The following FBN1 variants were observed in gnomAD, a reference collection of about 807,000 sequenced individuals.
FBN1 encodes the protein fibrillin-1.
FBN1 carries 29 observed loss-of-function variants against 365.1 expected under a neutral mutation model. The observed-to-expected ratio is 0.08, with a 90% CI of 0.06 to 0.11. The LOEUF (loss-of-function observed/expected upper bound fraction) is 0.11. Among genes scored for constraint, FBN1 ranks in the 10% least tolerant of loss-of-function variants. The pLI is 1.00. For missense variants in FBN1, 2,476 were observed against 3,703.2 expected, an observed-to-expected ratio of 0.67 and a Z score of 8.60; for synonymous variants, 1,210 against 1,270.5, an observed-to-expected ratio of 0.95 and a Z score of 1.01.
intron 9 of FBN1, among the ~76,000 whole-genome samples, chr15:48,522,356 G>A (rs545993476): frequency 5.8e-4 from 88 of 151,958 alleles, no homozygotes; most frequent in African/African-American, 1.8e-3. Context: ...ACTTTATTGT[G>A]TATAATAAAG....
chr15:48,542,717 G>A (rs1191089489), intron 6 of FBN1, among the ~76,000 whole-genome samples: 3 of 151,540 alleles, frequency 2.0e-5, no homozygotes, highest in Non-Finnish European at 2.9e-5. Context: ...ATGTGGCATG[G>A]GGCCCAGGCA....
chr15:48,578,965 C>A (rs78557196), intron 6 of FBN1, among the ~76,000 whole-genome samples: 2 of 146,426 alleles, frequency 1.4e-5, no homozygotes, highest in African/African-American at 5.1e-5. Context: ...ATGTAACTAA[C>A]CTGCACAATG....
intron 6 of FBN1, among the ~76,000 whole-genome samples, chr15:48,588,998 C>T (rs780976485): frequency 6.6e-6 from 1 of 152,202 alleles, no homozygotes; most frequent in Non-Finnish European, 1.5e-5. Context: ...CAATAGTTTG[C>T]ACTCCAGCAA....
intron 6 of FBN1, among the ~76,000 whole-genome samples, chr15:48,547,964 G>A (rs961245052): frequency 2.0e-5 from 3 of 152,152 alleles, no homozygotes; most frequent in Non-Finnish European, 4.4e-5. Flanking sequence ...TGAGTGAACC[G>A]TGCAAAAGAC....
chr15:48,408,547 C>T lies in FBN1; in HGVS notation c.*2443G>A, dbSNP rs886051223. The T allele has an allele frequency of 6.6e-6, 1 of 152,542 alleles. No homozygotes were observed. Among genetic ancestry groups the T allele is most frequent in the South Asian group, 2.1e-4 (1 of 4,826 alleles). 9.4% of individuals were successfully genotyped at this position (152,542 alleles called of 1,614,324 possible). ...ATGAAATGGGCTGAGGGGGTAGAGA[C>T]AAGATATTTTCAAGCTTCTGAGAGA... On this transcript the variant is annotated 3_prime_UTR_variant, in exon 66 of 66. Coordinates refer to ENST00000316623, the MANE Select transcript of FBN1 (RefSeq NM_000138.5).
rs746303949 is a variant in FBN1 at position 48,489,842 on chromosome 15, A to G, written c.3082+9T>C. ...GAGGCAATTGGCCATGGAAAACGTA[A>G]CATTGTACCTTTGAAGAAAGGCTTT... On this transcript the variant is annotated intron_variant, in intron 25 of 65. Transcript: ENST00000316623. 3.3e-5 allele frequency: 53 copies of G among 1,611,904 alleles called. No individual in the cohort carries two copies. The highest frequency in any genetic ancestry group is 4.4e-5 in the Non-Finnish European group (52 of 1,178,124).
chr15:48,504,002 C>T, intron 16 of FBN1, 63 bp from the exon 17 acceptor site: 1 of 1,599,450 alleles, frequency 6.3e-7, no homozygotes, highest in Non-Finnish European at 8.5e-7. Context: ...CCCCCCAAGT[C>T]AAAGTTGAAG....
chr15:48,630,380 C>T (rs1000992599), intron 2 of FBN1, among the ~76,000 whole-genome samples: 2 of 152,054 alleles, frequency 1.3e-5, no homozygotes, highest in African/African-American at 4.8e-5. Context: ...GTCTTCTGAC[C>T]TTTCAATGTG....
chr15:48,565,633 A>G (rs542894319), intron 6 of FBN1, among the ~76,000 whole-genome samples: 1 of 152,058 alleles, frequency 6.6e-6, no homozygotes, highest in East Asian at 1.9e-4. Flanking sequence ...GATAAAAAAA[A>G]AAAAAGAAAA....
chr15:48,551,095 G>A (rs2044138198), intron 6 of FBN1, among the ~76,000 whole-genome samples: 1 of 152,130 alleles, frequency 6.6e-6, no homozygotes, highest in Admixed American at 6.6e-5. Flanking sequence ...ATAATTCCGT[G>A]AATCTATCAT....
chr15:48,478,138 G>A (rs972679531), intron 32 of FBN1, among the ~76,000 whole-genome samples: 12 of 152,196 alleles, frequency 7.9e-5, no homozygotes, highest in African/African-American at 2.9e-4. Flanking sequence ...CATTGAGGAA[G>A]AGGGCGTTAC....
chr15:48,615,281 TA>T (rs1205783265), intron 2 of FBN1, among the ~76,000 whole-genome samples: 2 of 152,028 alleles, frequency 1.3e-5, no homozygotes, highest in African/African-American at 2.4e-5. Context: ...AACAAGGTTT[TA>T]TTTTTTTTTT....
intron 25 of FBN1, among the ~76,000 whole-genome samples, chr15:48,488,966 T>C (rs974485643): frequency 2.0e-5 from 3 of 152,168 alleles, no homozygotes; most frequent in African/African-American, 4.8e-5. Flanking sequence ...AAAGATATAA[T>C]TTATAATTTA....
chr15:48,550,788 C>T (rs868405028), intron 6 of FBN1, among the ~76,000 whole-genome samples: 7 of 152,240 alleles, frequency 4.6e-5, no homozygotes, highest in African/African-American at 1.4e-4. Flanking sequence ...TCTCCCCTGA[C>T]GACTTACTCC....
At chr15:48,454,151 T>C (rs972781716) in intron 44 of FBN1, among the ~76,000 whole-genome samples, 1 of 152,244 alleles carries the variant, frequency 6.6e-6, no homozygotes, top group Non-Finnish European at 1.5e-5. Flanking sequence ...CTTGCTAAAA[T>C]GCAGATTCTG....
intron 8 of FBN1, among the ~76,000 whole-genome samples, chr15:48,532,358 C>T (rs186417629): frequency 2.6e-5 from 4 of 152,024 alleles, no homozygotes; most frequent in East Asian, 1.9e-4. Flanking sequence ...CACAACCTAT[C>T]GTTGATGTAG....
intron 53 of FBN1, 138 bp downstream of exon 53, chr15:48,436,823 A>G: frequency 1.4e-6 from 1 of 721,166 alleles, no homozygotes. Flanking sequence ...CTAGTATTCT[A>G]AATGAATGAT....
chr15:48,553,118 T>G (rs1232557890), intron 6 of FBN1, among the ~76,000 whole-genome samples: 1 of 152,216 alleles, frequency 6.6e-6, no homozygotes, highest in Admixed American at 6.5e-5. Context: ...TACGTTCTAT[T>G]TTTTAAATAA....
chr15:48,462,640 C>G (rs547124080), intron 42 of FBN1, among the ~76,000 whole-genome samples: 1 of 152,184 alleles, frequency 6.6e-6, no homozygotes, highest in African/African-American at 2.4e-5. Context: ...TTGCCATTTG[C>G]CTTATGCTTA....
Sources: allele counts gnomAD v4.1 joint callset (sites outside exome capture counted in the v4.1 genomes callset), GRCh38; gene constraint gnomAD v4.1.1; transcripts MANE v1.5; gene names NCBI Gene and HGNC (gene_info 2026-07-23, HGNC 2026-07-21).